Variants in FOXK1 observed in about 807,000 individuals in gnomAD.
FOXK1 encodes the protein forkhead box protein K1.
In FOXK1, 19 loss-of-function variants were observed where a neutral mutation model predicts 51.9. That is an observed-to-expected ratio of 0.37 (90% confidence interval 0.26 to 0.54). The LOEUF (loss-of-function observed/expected upper bound fraction) is 0.54, where lower values mean the gene tolerates loss of function less well. FOXK1 is among the 20% of genes least tolerant of loss of function. FOXK1 has a pLI of 0.87. For missense variants in FOXK1, 870 were observed against 1,032.7 expected (o/e 0.84, Z 2.16); for synonymous variants, 537 against 482.6 (o/e 1.11, Z -1.48).
intron 1 of FOXK1, among the ~76,000 whole-genome samples, chr7:4,721,747 C>T (rs1057335117): frequency 1.8e-4 from 27 of 151,870 alleles, no homozygotes; most frequent in Non-Finnish European, 5.9e-5. Flanking sequence ...TGAGACACCA[C>T]GCCCAGCTAA....
rs1201553320 is a variant in FOXK1 at position 4,759,324 on chromosome 7, C to G, written c.1425C>G (p.Ser475Arg). 1 of 1,600,590 alleles carries G rather than the reference C, an allele frequency of 6.2e-7. No homozygotes were observed. The highest frequency in any genetic ancestry group is 2.2e-5 in the East Asian group (1 of 44,764). ...CCCTCCGTGCAGGCTCCCCCGTCAG[C>G]GCCCAGCCAGTGATCATGGCCGTGC... ...YSQSAPGSPV[S>R]AQPVIMAVPP... Residue 475 changes from serine to arginine, a missense_variant, in exon 7 of 9, where the codon AGC (serine) becomes AGG (arginine). Coordinates refer to ENST00000328914, the MANE Select transcript of FOXK1 (RefSeq NM_001037165.2).
rs376026153 is a variant in FOXK1 at position 4,719,120 on chromosome 7, G to GTT, written c.561-21709_561-21708dup. Reference sequence around the variant, plus strand: ...CACCACACCCAACCTTGTTTTTTTTGTTTTTTTTTTGTTTGTTTTGTTTGT... The same window carrying GTT: ...CACCACACCCAACCTTGTTTTTTTTGTTTTTTTTTTTTGTTTGTTTTGTTTGT... On this transcript the variant is annotated intron_variant, in intron 1 of 8. Coordinates refer to ENST00000328914, the MANE Select transcript of FOXK1 (RefSeq NM_001037165.2). Among the ~76,000 whole-genome samples, 1,036 of 147,216 alleles carry GTT rather than the reference G, an allele frequency of 7.0e-3. 10 individuals are homozygous for GTT. Among genetic ancestry groups the GTT allele is most frequent in the Middle Eastern group, 0.017 (5 of 286 alleles).
In FOXK1 at chr7:4,747,368, A is replaced by G. The variant is rs80343598; in HGVS notation, c.746+6345A>G. ...GGGCCGCCTCTCCGCTCAAGCACCC[A>G]CTCAGCTCTGTGAGGTCTATGCCTA... is the stretch of plus-strand genomic sequence containing the variant. On this transcript the variant is annotated intron_variant, in intron 2 of 8. Transcript: ENST00000328914. The surrounding 1 kb of genome is among the most constrained non-coding windows in gnomAD (Gnocchi z 9.2). Among the ~76,000 whole-genome samples, 8,478 of 152,162 alleles carry G rather than the reference A, an allele frequency of 0.056. 826 individuals carry two copies. The highest frequency in any genetic ancestry group is 0.19 in the African/African-American group (8,049 of 41,500).
At position 4,723,735 on chromosome 7, in the gene FOXK1, G is replaced by A. The variant is rs992861020; in HGVS notation, c.561-17103G>A. Among the ~76,000 whole-genome samples the A allele has an allele frequency of 1.3e-5, 2 of 151,128 alleles. No individual in the cohort carries two copies. Among genetic ancestry groups the A allele is most frequent in the Non-Finnish European group, 3.0e-5 (2 of 67,662 alleles). Reference sequence around the variant, plus strand: ...CAGGCTGGAGTGCAGTGGTGCAATCGTAGCTCACTGCAGCCTCAACCTCCT... The same window carrying A: ...CAGGCTGGAGTGCAGTGGTGCAATCATAGCTCACTGCAGCCTCAACCTCCT... On this transcript the variant is annotated intron_variant, in intron 1 of 8. Coordinates refer to ENST00000328914, the MANE Select transcript of FOXK1 (RefSeq NM_001037165.2). This position sits in a 1 kb window ranked among gnomAD's most constrained non-coding sequence, Gnocchi z 4.7.
chr7:4,703,488 C>G lies in FOXK1; in HGVS notation c.560+20620C>G, dbSNP rs1040856337. On this transcript the variant is annotated intron_variant, in intron 1 of 8. Coordinates refer to ENST00000328914, the MANE Select transcript of FOXK1 (RefSeq NM_001037165.2). This position sits in a 1 kb window ranked among gnomAD's most constrained non-coding sequence, Gnocchi z 5.6. ...CCTGGTGTCCTCGCCCCACAAGGCT[C>G]CCCCAGGGTGGCCCGACCCTGCTGC... 6.6e-6 allele frequency among the ~76,000 whole-genome samples: 1 copy of G among 152,174 alleles called. No individual in the cohort carries two copies. Among genetic ancestry groups the G allele is most frequent in the Non-Finnish European group, 1.5e-5 (1 of 68,026 alleles).
At chr7:4,739,630 CAGTAGAAAAACCGAGG>C (rs1250951526) in intron 1 of FOXK1, among the ~76,000 whole-genome samples, 1 of 152,176 alleles carries the variant, frequency 6.6e-6, no homozygotes, top group Non-Finnish European at 1.5e-5. Flanking sequence ...TGGTCGTCTC[CAGTAGAAAAACCGAGG>C]CTCACGGTTT....
At position 4,741,032 on chromosome 7, in the gene FOXK1, C is replaced by G; in HGVS notation, c.746+9C>G. ...CCGACGGGCACCATCAGGTGAGTAG[C>G]CCCCCAGCCTGCCCTTGGGCCCCCA... On this transcript the variant is annotated intron_variant, in intron 2 of 8. Coordinates refer to ENST00000328914, the MANE Select transcript of FOXK1 (RefSeq NM_001037165.2). 1.3e-6 allele frequency: 2 copies of G among 1,496,540 alleles called. No individual in the cohort carries two copies. The highest frequency in any genetic ancestry group is 1.8e-6 in the Non-Finnish European group (2 of 1,128,152). The allele number at this position is 1,496,540 out of a possible 1,614,324, so 92.7% of individuals were successfully genotyped here.
intron 1 of FOXK1, among the ~76,000 whole-genome samples, chr7:4,720,328 A>G (rs1474081110): frequency 2.6e-5 from 4 of 152,100 alleles, no homozygotes; most frequent in Non-Finnish European, 5.9e-5. Context: ...AGTGACATGC[A>G]TGGGAGAGCT....
In FOXK1 at chr7:4,747,917, C is replaced by T. The variant is rs559750265; in HGVS notation, c.747-6542C>T. Among the ~76,000 whole-genome samples the T allele has an allele frequency of 1.3e-5, 2 of 152,272 alleles. No individual in the cohort carries two copies. Among genetic ancestry groups the T allele is most frequent in the East Asian group, 1.9e-4 (1 of 5,178 alleles). On this transcript the variant is annotated intron_variant, in intron 2 of 8. Coordinates refer to ENST00000328914, the MANE Select transcript of FOXK1 (RefSeq NM_001037165.2). The surrounding 1 kb of genome is among the most constrained non-coding windows in gnomAD (Gnocchi z 9.2). ...CCGGAGTGCAGTGGTCCGGTCACGG[C>T]TCGCTGCAGCCTCGACCTCCGGGAC...
intron 1 of FOXK1, among the ~76,000 whole-genome samples, chr7:4,705,544 T>G (rs1474635834): frequency 6.7e-6 from 1 of 148,980 alleles, no homozygotes; most frequent in Non-Finnish European, 1.5e-5. Context: ...TCTCTCTCTC[T>G]CTCTCTCTCT....
Position 4,756,968 on chromosome 7 carries a change from G to C in FOXK1, c.1051-26G>C. 1 of 1,607,674 alleles carries C rather than the reference G, an allele frequency of 6.2e-7. No homozygotes were observed. ...ACTCATTTTCTGATTTGCTGGTGAT[G>C]GGTGAATATCTCTGCTTCCCTGCAG... On this transcript the variant is annotated intron_variant, in intron 4 of 8. Transcript: ENST00000328914. The surrounding 1 kb of genome is among the most constrained non-coding windows in gnomAD (Gnocchi z 4.1).
At chr7:4,727,408 C>T (rs570643123) in intron 1 of FOXK1, among the ~76,000 whole-genome samples, 1 of 152,050 alleles carries the variant, frequency 6.6e-6, no homozygotes, top group African/African-American at 2.4e-5. Context: ...CTTCGCCTCC[C>T]GGGTTCAAGT....
chr7:4,760,834 G>A (rs771524387), intron 7 of FOXK1, among the ~76,000 whole-genome samples: 1 of 152,190 alleles, frequency 6.6e-6, no homozygotes, highest in Non-Finnish European at 1.5e-5. Flanking sequence ...CTGGGCGACA[G>A]AGCAACAAAA....
At chr7:4,725,246 G>A (rs1306888950) in intron 1 of FOXK1, among the ~76,000 whole-genome samples, 2 of 152,248 alleles carry the variant, frequency 1.3e-5, no homozygotes, top group Non-Finnish European at 2.9e-5. Context: ...CAGTGCCCAG[G>A]CTTTGGCCCA....
At chr7:4,688,368 G>A (rs559079113) in intron 1 of FOXK1, among the ~76,000 whole-genome samples, 8 of 149,488 alleles carry the variant, frequency 5.4e-5, no homozygotes, top group East Asian at 2.0e-4. Context: ...TCTTACTGTC[G>A]GCATGGTTGT....
chr7:4,726,407 G>A (rs1405407256), intron 1 of FOXK1, among the ~76,000 whole-genome samples: 1 of 152,128 alleles, frequency 6.6e-6, no homozygotes, highest in Admixed American at 6.5e-5. Flanking sequence ...ATCATTTGAA[G>A]TCAGGAGTTC....
intron 2 of FOXK1, among the ~76,000 whole-genome samples, chr7:4,744,166 A>G (rs1780671491): frequency 6.6e-6 from 1 of 151,746 alleles, no homozygotes; most frequent in Non-Finnish European, 1.5e-5. Context: ...CCAAATTTGC[A>G]TAGTAAAGTC....
chr7:4,730,921 C>T lies in FOXK1; in HGVS notation c.561-9917C>T, dbSNP rs949778453. 1.3e-5 allele frequency among the ~76,000 whole-genome samples: 2 copies of T among 152,158 alleles called. No homozygotes were observed. The highest frequency in any genetic ancestry group is 2.4e-5 in the African/African-American group (1 of 41,418). Reference sequence around the variant, plus strand: ...GTGGCTCACTCCTGCAATCCCAGCACTTTGGGAGGCCGAGGCAGGAGGATC... The same window carrying T: ...GTGGCTCACTCCTGCAATCCCAGCATTTTGGGAGGCCGAGGCAGGAGGATC... On this transcript the variant is annotated intron_variant, in intron 1 of 8. Transcript: ENST00000328914. This position sits in a 1 kb window ranked among gnomAD's most constrained non-coding sequence, Gnocchi z 4.7.
chr7:4,745,348 G>A lies in FOXK1; in HGVS notation c.746+4325G>A, dbSNP rs921331612. 6.6e-6 allele frequency among the ~76,000 whole-genome samples: 1 copy of A among 151,960 alleles called. No homozygotes were observed. The highest frequency in any genetic ancestry group is 2.4e-5 in the African/African-American group (1 of 41,354). On this transcript the variant is annotated intron_variant, in intron 2 of 8. Transcript: ENST00000328914. The surrounding 1 kb of genome is among the most constrained non-coding windows in gnomAD (Gnocchi z 4.3). ...GCTTGGGAGCGGCTTTTTCCTGGGG[G>A]AGCCTCCCTGATCAGCTGCCCCTGC...
Sources: gnomAD v4.1 joint callset for allele counts (sites outside exome capture counted in the v4.1 genomes callset) on GRCh38, gnomAD v4.1.1 for gene constraint, Gnocchi (gnomAD v3.1) non-coding constraint, MANE v1.5 for transcripts, NCBI Gene and HGNC (gene_info 2026-07-23, HGNC 2026-07-21) for gene names.